The following ADARB2 variants were observed in gnomAD, a reference collection of about 807,000 sequenced individuals.
The protein encoded by ADARB2 is inactive double-stranded RNA-specific editase B2.
Under a neutral mutation model 62.2 loss-of-function variants are expected in ADARB2, and 25 were observed. That is an observed-to-expected ratio of 0.40 (90% CI 0.29 to 0.56). The LOEUF (loss-of-function observed/expected upper bound fraction) is 0.56. Among genes scored for constraint, ADARB2 ranks in the 20% least tolerant of loss-of-function variants. The pLI, the probability that ADARB2 is intolerant of heterozygous loss-of-function variation, is 0.43. For missense variants in ADARB2, 1,071 were observed against 1,077.4 expected, an observed-to-expected ratio of 0.99 and a Z score of 0.08; for synonymous variants, 572 against 500.8, an observed-to-expected ratio of 1.14 and a Z score of -1.90.
At chr10:1,229,688 G>GTGTTCACATGTGCTTGTGTT (rs1830782062) in intron 6 of ADARB2, among the ~76,000 whole-genome samples, 1 of 119,880 alleles carries the variant, frequency 8.3e-6, no homozygotes. Context: ...ATGTGTTTGT[G>GTGTTCACATGTGCTTGTGTT]TGTGCACATG....
rs781503399 is a variant in ADARB2 at position 1,470,440 on chromosome 10, G to A, written c.101-91280C>T. Among the ~76,000 whole-genome samples, 8 of 152,262 alleles carry A rather than the reference G, an allele frequency of 5.3e-5. No individual in the cohort carries two copies. The East Asian group carries it at 7.7e-4, about 15-fold the overall frequency. ...TGTGGGGCTAACAATGGCATCCCAC[G>A]AAATCGCTGAAAATGTCAAATTAAC... On this transcript the variant is annotated intron_variant, in intron 1 of 9. Coordinates refer to ENST00000381312, the MANE Select transcript of ADARB2 (RefSeq NM_018702.4).
At chr10:1,474,787 T>C (rs569641803) in intron 1 of ADARB2, among the ~76,000 whole-genome samples, 16 of 152,150 alleles carry the variant, frequency 1.1e-4, no homozygotes, top group Admixed American at 3.3e-4. Context: ...GAGATTTACG[T>C]GTGCAAAGTC....
intron 1 of ADARB2, among the ~76,000 whole-genome samples, chr10:1,554,403 G>A (rs879375380): frequency 6.6e-6 from 1 of 152,164 alleles, no homozygotes; most frequent in African/African-American, 2.4e-5. Flanking sequence ...AACCATCAAT[G>A]AATGCTGTCT....
chr10:1,720,549 GA>G (rs997760368), intron 1 of ADARB2, among the ~76,000 whole-genome samples: 2 of 151,940 alleles, frequency 1.3e-5, no homozygotes, highest in East Asian at 3.9e-4. Flanking sequence ...AATAAAAGTG[GA>G]AAAAAATAGG....
intron 1 of ADARB2, among the ~76,000 whole-genome samples, chr10:1,542,337 C>T (rs71500125): frequency 1.4e-4 from 1 of 7,086 alleles, no homozygotes; most frequent in Non-Finnish European, 3.4e-4. Context: ...CACTCAGACG[C>T]AGTTCAGACC....
chr10:1,378,699 C>T lies in ADARB2; in HGVS notation c.187+375G>A, dbSNP rs1217432426. ...CGGGTGGGACCACAGGTGAGGATGA[C>T]ACTGAAAGTGAGGATGGGACCACAG... On this transcript the variant is annotated intron_variant, in intron 2 of 9. Coordinates refer to ENST00000381312, the MANE Select transcript of ADARB2 (RefSeq NM_018702.4). 2.6e-5 allele frequency among the ~76,000 whole-genome samples: 4 copies of T among 151,248 alleles called. No individual in the cohort carries two copies. In the South Asian group the frequency reaches 6.3e-4, roughly 24 times the overall value.
At chr10:1,378,166 C>G (rs1263470090) in intron 2 of ADARB2, among the ~76,000 whole-genome samples, 1 of 152,172 alleles carries the variant, frequency 6.6e-6, no homozygotes, top group Non-Finnish European at 1.5e-5. Flanking sequence ...GAGGCCAGCT[C>G]CTGCAGCCAC....
intron 3 of ADARB2, among the ~76,000 whole-genome samples, chr10:1,278,125 A>G (rs1371176263): frequency 1.3e-5 from 2 of 151,862 alleles, no homozygotes; most frequent in African/African-American, 4.8e-5. Flanking sequence ...GCGCGCCACT[A>G]TGCCTGGCTA....
At chr10:1,671,559 C>A (rs780516757) in intron 1 of ADARB2, among the ~76,000 whole-genome samples, 3 of 152,134 alleles carry the variant, frequency 2.0e-5, no homozygotes, top group Admixed American at 6.5e-5. Context: ...CGGGACAGGG[C>A]CAACTTGCCC....
intron 6 of ADARB2, among the ~76,000 whole-genome samples, chr10:1,231,729 C>G (rs868290164): frequency 6.6e-6 from 1 of 152,162 alleles, no homozygotes; most frequent in East Asian, 1.9e-4. Context: ...AATTCACTTA[C>G]AGAGAACCCT....
At chr10:1,411,762 C>T (rs17221687) in intron 1 of ADARB2, among the ~76,000 whole-genome samples, 3,847 of 152,276 alleles carry the variant, frequency 0.025, 85 homozygotes, top group Non-Finnish European at 0.04. Context: ...ACGCCATTTA[C>T]GAAGGTCGTA....
At chr10:1,418,115 T>G (rs1414954081) in intron 1 of ADARB2, among the ~76,000 whole-genome samples, 1 of 152,190 alleles carries the variant, frequency 6.6e-6, no homozygotes, top group Admixed American at 6.5e-5. Context: ...CCTCTGTCGG[T>G]GGAGGGACGT....
At chr10:1,709,217 A>G (rs144580243) in intron 1 of ADARB2, among the ~76,000 whole-genome samples, 15 of 152,224 alleles carry the variant, frequency 9.9e-5, no homozygotes, top group African/African-American at 3.1e-4. Flanking sequence ...TCTTAAGGGG[A>G]TGGTTTAGAC....
intron 3 of ADARB2, among the ~76,000 whole-genome samples, chr10:1,275,481 C>T (rs948047593): frequency 6.6e-6 from 1 of 152,140 alleles, no homozygotes; most frequent in South Asian, 2.1e-4. Context: ...ACATTCCCGA[C>T]TCCACAGCCA....
At chr10:1,258,407 G>T (rs935090665) in intron 4 of ADARB2, among the ~76,000 whole-genome samples, 17 of 152,094 alleles carry the variant, frequency 1.1e-4, no homozygotes, top group African/African-American at 4.1e-4. Flanking sequence ...CTGTATTCAG[G>T]AAACCCATCT....
intron 1 of ADARB2, among the ~76,000 whole-genome samples, chr10:1,666,386 G>A (rs372113461): frequency 6.6e-6 from 1 of 152,242 alleles, no homozygotes; most frequent in Non-Finnish European, 1.5e-5. Flanking sequence ...GGGGCCAGTA[G>A]CACATGTCCC....
rs549701771 is a variant in ADARB2, at chr10:1,393,275, T to A, written c.101-14115A>T. Among the ~76,000 whole-genome samples the A allele has an allele frequency of 3.9e-5, 6 of 152,374 alleles. No individual in the cohort carries two copies. In the South Asian group the frequency reaches 1.2e-3, roughly 32 times the overall value. ...GCATCTATTTATGGGACACATGAGA[T>A]GTTTTGATACAGGCGTGCAATGCAT... On this transcript the variant is annotated intron_variant, in intron 1 of 9. Transcript: ENST00000381312.
intron 1 of ADARB2, among the ~76,000 whole-genome samples, chr10:1,664,475 G>A (rs552598927): frequency 1.3e-5 from 2 of 152,310 alleles, no homozygotes; most frequent in African/African-American, 2.4e-5. Context: ...CTGACCTAAC[G>A]ACCCACAAAT....
chr10:1,639,588 T>A (rs1338654893), intron 1 of ADARB2, among the ~76,000 whole-genome samples: 2 of 152,222 alleles, frequency 1.3e-5, no homozygotes, highest in Non-Finnish European at 2.9e-5. Context: ...CTCACGCCTG[T>A]CATCCCAGCA....
Sources: gnomAD v4.1 joint callset for allele counts (sites outside exome capture counted in the v4.1 genomes callset) on GRCh38, gnomAD v4.1.1 for gene constraint, MANE v1.5 for transcripts, NCBI Gene and HGNC (gene_info 2026-07-23, HGNC 2026-07-21) for gene names.